The following CLVS1 variants were observed in gnomAD, a reference collection of about 807,000 sequenced individuals.
The protein encoded by CLVS1 is clavesin-1.
Under a neutral mutation model 33.1 loss-of-function variants are expected in CLVS1, and 10 were observed. That is an observed-to-expected ratio of 0.30 (90% confidence interval 0.19 to 0.51). The LOEUF is 0.51. CLVS1 is among the 20% of genes least tolerant of loss of function. The pLI is 0.97. For synonymous variants in CLVS1, 163 were observed against 166.1 expected (o/e 0.98, Z 0.14); for missense variants, 343 against 433.4 (o/e 0.79, Z 1.85).
At chr8:61,081,024 A>G (rs1805010746) in intron 1 of CLVS1, among the ~76,000 whole-genome samples, 1 of 152,236 alleles carries the variant, frequency 6.6e-6, no homozygotes, top group African/African-American at 2.4e-5. Context: ...AAATGTCTAC[A>G]ATCTTAGTTT....
chr8:61,046,704 C>T, the CLVS1 span, among the ~76,000 whole-genome samples: 218 of 152,198 alleles, frequency 1.4e-3, 1 homozygote, highest in African/African-American at 4.7e-3. Context: ...AGGTCCTTCA[C>T]GTCCCTTGTA....
At chr8:60,966,606 G>T in the CLVS1 span, 1 of 238,460 alleles carries the variant, frequency 4.2e-6, no homozygotes, top group Non-Finnish European at 8.6e-6. Flanking sequence ...GTCCCAGGGA[G>T]TTGGAGGGAA....
intron 2 of CLVS1, among the ~76,000 whole-genome samples, chr8:61,216,568 G>C (rs1808092545): frequency 6.6e-6 from 1 of 152,200 alleles, no homozygotes; most frequent in Admixed American, 6.5e-5. Flanking sequence ...GGAAGATGGA[G>C]GAACCAGATT....
At chr8:61,246,808 A>T (rs908216738) in intron 2 of CLVS1, among the ~76,000 whole-genome samples, 1 of 151,964 alleles carries the variant, frequency 6.6e-6, no homozygotes, top group Non-Finnish European at 1.5e-5. Flanking sequence ...TTCTTTTTTT[A>T]AAAAAATTTA....
intron 3 of CLVS1, among the ~76,000 whole-genome samples, chr8:61,418,006 T>C (rs1239303117): frequency 6.6e-6 from 1 of 152,220 alleles, no homozygotes; most frequent in East Asian, 1.9e-4. Context: ...AGTTGCAATG[T>C]GCTTGTTCTA....
chr8:61,024,069 C>T, the CLVS1 span, among the ~76,000 whole-genome samples: 131 of 152,320 alleles, frequency 8.6e-4, 3 homozygotes, highest in South Asian at 0.026. Flanking sequence ...TCGCACATTC[C>T]TGTTAGACGA....
chr8:61,338,147 C>T (rs987190895), intron 2 of CLVS1, among the ~76,000 whole-genome samples: 3 of 152,190 alleles, frequency 2.0e-5, no homozygotes, highest in Admixed American at 6.5e-5. Flanking sequence ...CATCTTCTCT[C>T]ACTTTATTTT....
At chr8:61,226,840 C>A (rs1379950231) in intron 2 of CLVS1, among the ~76,000 whole-genome samples, 2 of 152,104 alleles carry the variant, frequency 1.3e-5, no homozygotes, top group Non-Finnish European at 2.9e-5. Context: ...CATCGGAAGG[C>A]AATGGGATCT....
intron 2 of CLVS1, among the ~76,000 whole-genome samples, chr8:61,260,616 G>C (rs1173223225): frequency 1.3e-5 from 2 of 152,086 alleles, no homozygotes; most frequent in African/African-American, 4.8e-5. Flanking sequence ...ATCTGGGAGG[G>C]GCATCTGATC....
intron 2 of CLVS1, among the ~76,000 whole-genome samples, chr8:61,267,616 T>C (rs1305218654): frequency 6.6e-6 from 1 of 152,200 alleles, no homozygotes; most frequent in Non-Finnish European, 1.5e-5. Context: ...ACAGCTGTGA[T>C]TTAAAAAGCA....
At chr8:61,414,003 T>A (rs888341821) in intron 3 of CLVS1, among the ~76,000 whole-genome samples, 1 of 152,214 alleles carries the variant, frequency 6.6e-6, no homozygotes, top group African/African-American at 2.4e-5. Context: ...GACAACTGAT[T>A]AATAAATTAG....
chr8:61,192,615 G>T (rs1226570819), intron 2 of CLVS1, among the ~76,000 whole-genome samples: 2 of 151,994 alleles, frequency 1.3e-5, no homozygotes, highest in Non-Finnish European at 2.9e-5. Flanking sequence ...TTTGCAATCT[G>T]CTCATCTGAC....
intron 3 of CLVS1, among the ~76,000 whole-genome samples, chr8:61,435,188 T>C (rs1816280024): frequency 6.6e-6 from 1 of 152,038 alleles, no homozygotes; most frequent in African/African-American, 2.4e-5. Flanking sequence ...GACAGAGACT[T>C]GAAATATGGA....
At chr8:61,292,619 C>T (rs1810035684) in intron 1 of CLVS1, among the ~76,000 whole-genome samples, 1 of 152,162 alleles carries the variant, frequency 6.6e-6, no homozygotes, top group Admixed American at 6.5e-5. Flanking sequence ...CACAACTAAT[C>T]TGTTTTAAAA....
intron 3 of CLVS1, among the ~76,000 whole-genome samples, chr8:61,412,047 A>G (rs975752916): frequency 6.6e-6 from 1 of 152,122 alleles, no homozygotes; most frequent in Non-Finnish European, 1.5e-5. Context: ...TGGCCAGTGG[A>G]TGGAGGCCTG....
chr8:61,237,062 A>T (rs751990419), intron 2 of CLVS1, among the ~76,000 whole-genome samples: 3 of 152,188 alleles, frequency 2.0e-5, no homozygotes, highest in Non-Finnish European at 4.4e-5. Context: ...TGACGTCCCA[A>T]AGAGAAATAT....
At chr8:61,050,381 T>G in the CLVS1 span, among the ~76,000 whole-genome samples, 74 of 152,370 alleles carry the variant, frequency 4.9e-4, no homozygotes, top group Middle Eastern at 3.4e-3. Context: ...CTACGAGGAC[T>G]CTATGTGGTA....
At chr8:61,038,957 T>G in the CLVS1 span, among the ~76,000 whole-genome samples, 1 of 152,218 alleles carries the variant, frequency 6.6e-6, no homozygotes, top group Non-Finnish European at 1.5e-5. Context: ...CACCCACATT[T>G]TTTTTTATTA....
the CLVS1 span, among the ~76,000 whole-genome samples, chr8:61,007,261 T>A: frequency 3.2e-3 from 494 of 152,356 alleles, 5 homozygotes; most frequent in African/African-American, 0.011. Context: ...AAACTTTTCA[T>A]CTATTTTAGC....
Sources: allele counts gnomAD v4.1 joint callset (sites outside exome capture counted in the v4.1 genomes callset), GRCh38; gene constraint gnomAD v4.1.1; transcripts MANE v1.5; gene names NCBI Gene and HGNC (gene_info 2026-07-23, HGNC 2026-07-21).